Variants in KANK1 observed in about 807,000 individuals in gnomAD.
KANK1 encodes the protein KN motif and ankyrin repeat domain-containing protein 1.
Under a neutral mutation model 106.2 loss-of-function variants are expected in KANK1, and 109 were observed. That is an observed-to-expected ratio of 1.03 (90% CI 0.88 to 1.20). The LOEUF (loss-of-function observed/expected upper bound fraction) is 1.20. Ranked by LOEUF, KANK1 falls within the 50% of genes most tolerant of loss-of-function variation. The pLI is 0.00. For synonymous variants in KANK1, 873 were observed against 652.2 expected, an observed-to-expected ratio of 1.34 and a Z score of -5.16; for missense variants, 2,399 against 1,710.7, an observed-to-expected ratio of 1.40 and a Z score of -7.10.
At chr9:645,439 TAAAA>T (rs376740141) in intron 1 of KANK1, among the ~76,000 whole-genome samples, 2 of 70,252 alleles carry the variant, frequency 2.8e-5, no homozygotes. Context: ...GACTGTGTCT[TAAAA>T]AAAAAAAAAA....
At chr9:726,604 A>C (rs1343107240) in intron 3 of KANK1, among the ~76,000 whole-genome samples, 1 of 151,966 alleles carries the variant, frequency 6.6e-6, no homozygotes, top group East Asian at 1.9e-4. Flanking sequence ...GCACCACTGC[A>C]CTGTAGCCTA....
In KANK1 at chr9:742,391, C is replaced by T. The variant is rs779698187; in HGVS notation, c.3883C>T (p.His1295Tyr). The change falls in exon 10 of 12, where the codon CAC becomes TAC. Residue 1295 changes from histidine to tyrosine, a missense_variant. Physicochemically the swap from His to Tyr is moderately conservative, Grantham distance 83 (BLOSUM62 2). Transcript: ENST00000382297. Reference protein sequence around the residue: ...LLLAQPGCNGHLEDNDGSTAL... With the variant: ...LLLAQPGCNGYLEDNDGSTAL... ...GCTGGCCCAGCCCGGCTGCAACGGTCACCTAGAGGACAACGTAAGCTGTCT... is the reference window on the plus strand; with the variant it reads ...GCTGGCCCAGCCCGGCTGCAACGGTTACCTAGAGGACAACGTAAGCTGTCT... 8 of 1,613,262 alleles carry T rather than the reference C, an allele frequency of 5.0e-6. No individual in the cohort carries two copies. The highest frequency in any genetic ancestry group is 3.3e-5 in the Admixed American group (2 of 59,970).
chr9:578,276 C>T (rs193053879), intron 1 of KANK1, among the ~76,000 whole-genome samples: 1 of 152,036 alleles, frequency 6.6e-6, no homozygotes, highest in African/African-American at 2.4e-5. Flanking sequence ...TATCTAGATA[C>T]CAAGTAAGGA....
At chr9:727,680 ATGTGTGTGTGTGTGTGTGTGTG>A (rs55997819) in intron 3 of KANK1, among the ~76,000 whole-genome samples, 4 of 139,660 alleles carry the variant, frequency 2.9e-5, no homozygotes, top group Admixed American at 7.1e-5. Flanking sequence ...ATAACTTTTC[ATGTGTGTGTGTGTGTGTGTGTG>A]TGTGTGTGTG....
chr9:702,610 CTG>C (rs1822961209), intron 2 of KANK1, among the ~76,000 whole-genome samples: 1 of 152,158 alleles, frequency 6.6e-6, no homozygotes, highest in Non-Finnish European at 1.5e-5. Context: ...TTTATTCGGT[CTG>C]CACTTCCCAC....
chr9:577,576 C>T (rs897163473), intron 1 of KANK1, among the ~76,000 whole-genome samples: 8 of 152,182 alleles, frequency 5.3e-5, no homozygotes, highest in African/African-American at 1.9e-4. Context: ...CTCTCAGTAT[C>T]ATCTCCCAGA....
intron 2 of KANK1, among the ~76,000 whole-genome samples, chr9:681,694 G>A (rs867638417): frequency 2.6e-5 from 4 of 152,150 alleles, no homozygotes; most frequent in African/African-American, 7.2e-5. Context: ...GTCATGAGCC[G>A]CTGATCAGGA....
chr9:708,353 G>A (rs1824895126), intron 2 of KANK1, among the ~76,000 whole-genome samples: 1 of 152,248 alleles, frequency 6.6e-6, no homozygotes, highest in Admixed American at 6.5e-5. Context: ...AAGGGAAAGA[G>A]AGAAGGACAG....
At chr9:496,571 CATAA>C (rs934443948) in intron 3 of KANK1, among the ~76,000 whole-genome samples, 2 of 152,076 alleles carry the variant, frequency 1.3e-5, no homozygotes, top group Non-Finnish European at 2.9e-5. Context: ...TAAATAAATA[CATAA>C]ATAAATTCAT....
rs141898773 is a variant in KANK1, at chr9:603,827, G to C, written c.-83-73063G>C. ...ATACAAAAATTAGCTGGGTGTGGTGGTGTGCGCCATAGTCCCAGCTACTCT... is the reference window on the plus strand; with the variant it reads ...ATACAAAAATTAGCTGGGTGTGGTGCTGTGCGCCATAGTCCCAGCTACTCT... On this transcript the variant is annotated intron_variant, in intron 1 of 11. Transcript: ENST00000382297. Among the ~76,000 whole-genome samples the C allele has an allele frequency of 2.9e-3, 440 of 151,330 alleles. 5 individuals carry two copies. The highest frequency in any genetic ancestry group is 0.024 in the Middle Eastern group (7 of 292).
In KANK1 at chr9:711,305, G is replaced by A. The variant is rs768442909; in HGVS notation, c.539G>A (p.Arg180Lys). ...ATMQMTPGEFRRPRLASFGGM... is the reference protein window; with the variant it reads ...ATMQMTPGEFKRPRLASFGGM... Reference sequence around the variant, plus strand: ...ATGCAGATGACACCGGGTGAGTTCAGAAGGCCCAGGCTGGCCAGTTTTGGA... The same window carrying A: ...ATGCAGATGACACCGGGTGAGTTCAAAAGGCCCAGGCTGGCCAGTTTTGGA... Residue 180 changes from arginine (R) to lysine (K), a missense_variant, in exon 3 of 12, where the codon AGA becomes AAA. Physicochemically the swap from Arg to Lys is conservative, Grantham distance 26 (BLOSUM62 2). Coordinates refer to ENST00000382297, the MANE Select transcript of KANK1 (RefSeq NM_015158.5). 1.2e-6 allele frequency: 2 copies of A among 1,614,168 alleles called. No homozygotes were observed. Among genetic ancestry groups the A allele is most frequent in the Non-Finnish European group, 1.7e-6 (2 of 1,180,048 alleles).
Position 735,334 on chromosome 9 carries a change from C to G in KANK1, c.3333+499C>G, listed in dbSNP as rs1164308946. On this transcript the variant is annotated intron_variant, in intron 7 of 11. Transcript: ENST00000382297. ...CTATTTTTAAACATAAAAATAACCG[C>G]ACTTGTCATCTCGCAGTCTAAGAAA... is the stretch of plus-strand genomic sequence containing the variant. Among the ~76,000 whole-genome samples the G allele has an allele frequency of 1.3e-5, 2 of 152,146 alleles. 1 individual carries two copies. Among genetic ancestry groups the G allele is most frequent in the East Asian group, 3.9e-4 (2 of 5,190 alleles).
At chr9:734,494 C>T (rs1016129178) in intron 6 of KANK1, 10 of 339,624 alleles carry the variant, frequency 2.9e-5, no homozygotes, top group South Asian at 2.8e-4. Context: ...AGTGAAACCC[C>T]GTCTCCACTA....
chr9:512,360 A>G (rs554385166), intron 1 of KANK1, among the ~76,000 whole-genome samples: 1 of 152,112 alleles, frequency 6.6e-6, no homozygotes, highest in South Asian at 2.1e-4. Context: ...AGACAAGGAG[A>G]GTCTAGAAGA....
rs1425210081 is a variant in KANK1 at position 676,828 on chromosome 9, A to G, written c.-83-62A>G. ...CAGTCATCTTTGTAAACAGAAGTCTAAGATTTAGTTTGTACATTTTTTAAA... is the reference window on the plus strand; with the variant it reads ...CAGTCATCTTTGTAAACAGAAGTCTGAGATTTAGTTTGTACATTTTTTAAA... On this transcript the variant is annotated intron_variant, in intron 1 of 11. Transcript: ENST00000382297. 8.3e-6 allele frequency: 5 copies of G among 598,966 alleles called. No homozygotes were observed. In the Admixed American group the frequency reaches 9.2e-5, roughly 11 times the overall value. 37.1% of individuals were successfully genotyped at this position (598,966 alleles called of 1,614,324 possible).
intron 1 of KANK1, among the ~76,000 whole-genome samples, chr9:586,549 G>A (rs528840016): frequency 1.6e-4 from 25 of 152,268 alleles, no homozygotes; most frequent in African/African-American, 4.6e-4. Context: ...AAACAGTTCC[G>A]AGGTTTTAGT....
intron 1 of KANK1, among the ~76,000 whole-genome samples, chr9:647,883 C>T (rs1840034591): frequency 6.6e-6 from 1 of 150,446 alleles, no homozygotes; most frequent in African/African-American, 2.5e-5. Flanking sequence ...CCATGGAAAT[C>T]AGGTAGAACA....
chr9:745,146 C>T (rs1281968096), intron 11 of KANK1, 27 bp from the exon 12 acceptor site: 1 of 1,612,052 alleles, frequency 6.2e-7, no homozygotes, highest in South Asian at 1.1e-5. Context: ...TATTAACCCC[C>T]AGTTTTTTTC....
chr9:740,304 C>G (rs762635474), intron 8 of KANK1, among the ~76,000 whole-genome samples: 1 of 152,220 alleles, frequency 6.6e-6, no homozygotes, highest in East Asian at 1.9e-4. Context: ...GGACCCCCGA[C>G]AGGCCAGAGT....
Sources: gnomAD v4.1 joint callset for allele counts (sites outside exome capture counted in the v4.1 genomes callset) on GRCh38, gnomAD v4.1.1 for gene constraint, MANE v1.5 for transcripts, NCBI Gene and HGNC (gene_info 2026-07-23, HGNC 2026-07-21) for gene names.